LRP1B: variants seen among roughly 807,000 people sequenced by gnomAD.
LRP1B encodes the protein LDL receptor related protein 1B, also known as low-density lipoprotein receptor-related protein 1B.
A neutral mutation model predicts 556.6 loss-of-function variants in LRP1B; 217 were observed. The ratio of observed to expected loss-of-function variants is 0.39; its 90% confidence interval spans 0.35 to 0.44. LRP1B has a LOEUF of 0.44. LRP1B is among the 20% of genes least tolerant of loss of function. The probability of loss-of-function intolerance (pLI) is 1.00; values close to 1 mark genes in which losing one functional copy is unlikely to be tolerated. For synonymous variants in LRP1B, 2,047 were observed against 1,865.8 expected (o/e 1.10, Z -2.50); for missense variants, 5,053 against 5,620.8 (o/e 0.90, Z 3.23).
intron 2 of LRP1B, among the ~76,000 whole-genome samples, chr2:141,505,264 A>T (rs1574023016): frequency 6.6e-6 from 1 of 151,944 alleles, no homozygotes; most frequent in Non-Finnish European, 1.5e-5. Context: ...CCATTTCTTC[A>T]TATATTCAGA....
chr2:141,769,748 T>C (rs940511750), intron 2 of LRP1B, among the ~76,000 whole-genome samples: 1 of 152,226 alleles, frequency 6.6e-6, no homozygotes, highest in Admixed American at 6.5e-5. Context: ...ACCTTTCCAT[T>C]GGAACTGCAT....
At chr2:140,836,214 T>C (rs1006476777) in intron 31 of LRP1B, among the ~76,000 whole-genome samples, 1 of 152,194 alleles carries the variant, frequency 6.6e-6, no homozygotes, top group African/African-American at 2.4e-5. Context: ...AGATATTGCA[T>C]ATGGGCCTTT....
chr2:140,279,363 C>G (rs979655358), intron 84 of LRP1B, among the ~76,000 whole-genome samples: 4 of 151,922 alleles, frequency 2.6e-5, no homozygotes, highest in African/African-American at 9.7e-5. Context: ...TATTTCTAAA[C>G]TGGGTGATTC....
intron 7 of LRP1B, among the ~76,000 whole-genome samples, chr2:141,112,906 A>T (rs1030374211): frequency 2.0e-5 from 3 of 152,204 alleles, no homozygotes; most frequent in Non-Finnish European, 2.9e-5. Context: ...ATATTTTTTT[A>T]AAAAAGTTCA....
chr2:140,685,137 G>A (rs1371942136), intron 41 of LRP1B, among the ~76,000 whole-genome samples: 1 of 152,150 alleles, frequency 6.6e-6, no homozygotes. Context: ...TAAGGAGAGG[G>A]ACCCTCTACT....
intron 7 of LRP1B, among the ~76,000 whole-genome samples, chr2:141,140,813 C>T (rs1020321174): frequency 3.9e-5 from 6 of 151,998 alleles, no homozygotes; most frequent in South Asian, 2.1e-4. Context: ...GCGAAAAAAC[C>T]GCTAATCTGA....
intron 2 of LRP1B, among the ~76,000 whole-genome samples, chr2:141,636,341 G>A (rs571122450): frequency 1.3e-5 from 2 of 152,114 alleles, no homozygotes; most frequent in South Asian, 2.1e-4. Flanking sequence ...AATTCTTAAC[G>A]TAATAAATTA....
intron 83 of LRP1B, among the ~76,000 whole-genome samples, chr2:140,300,086 G>C (rs992841443): frequency 6.6e-6 from 1 of 152,062 alleles, no homozygotes; most frequent in Non-Finnish European, 1.5e-5. Flanking sequence ...TCATGGTTTT[G>C]TCTCATTTAC....
At chr2:142,115,531 A>AT (rs1707173821) in intron 1 of LRP1B, among the ~76,000 whole-genome samples, 2 of 50,738 alleles carry the variant, frequency 3.9e-5, no homozygotes, top group Non-Finnish European at 8.2e-5. Flanking sequence ...TATAATATAT[A>AT]TATTACATAT....
Position 140,444,529 on chromosome 2 carries a change from CTT to C in LRP1B, c.10174+32_10174+33del, listed in dbSNP as rs374167225. 7.1e-5 allele frequency: 115 copies of C among 1,611,446 alleles called. No homozygotes were observed. In the African/African-American group the frequency reaches 1.4e-3, roughly 20 times the overall value. On this transcript the variant is annotated intron_variant, in intron 64 of 90. Transcript: ENST00000389484. Reference sequence around the variant, plus strand: ...CAGACATAATCAGTTGAAAATTAGACTTATGTTCATTAGTTAGGAATTTAATC... The same window carrying C: ...CAGACATAATCAGTTGAAAATTAGACATGTTCATTAGTTAGGAATTTAATC...
chr2:141,378,620 A>G (rs975993259), intron 3 of LRP1B, among the ~76,000 whole-genome samples: 17 of 152,146 alleles, frequency 1.1e-4, no homozygotes, highest in African/African-American at 4.1e-4. Context: ...GAGCTAAGAT[A>G]ATGCCACTAC....
intron 7 of LRP1B, among the ~76,000 whole-genome samples, chr2:141,064,024 T>G (rs759426805): frequency 6.6e-6 from 1 of 151,850 alleles, no homozygotes; most frequent in Non-Finnish European, 1.5e-5. Context: ...AAAGTCATCC[T>G]CAGATGACTT....
chr2:141,208,087 C>T (rs1682363755), intron 6 of LRP1B: 1 of 152,218 alleles, frequency 6.6e-6, no homozygotes, highest in Non-Finnish European at 1.5e-5. Flanking sequence ...AATATATCAG[C>T]TACCAGCAGT....
chr2:141,276,105 G>A (rs923255416), intron 3 of LRP1B, among the ~76,000 whole-genome samples: 11 of 152,042 alleles, frequency 7.2e-5, no homozygotes, highest in Non-Finnish European at 1.5e-4. Flanking sequence ...TTTTGGTGAA[G>A]GCTATCTTAG....
intron 75 of LRP1B, among the ~76,000 whole-genome samples, chr2:140,353,293 C>T (rs1682057736): frequency 6.6e-6 from 1 of 152,048 alleles, no homozygotes; most frequent in Admixed American, 6.6e-5. Flanking sequence ...TTTTATTAAT[C>T]CACTTAAAAT....
At chr2:141,688,927 T>G (rs1691412726) in intron 2 of LRP1B, among the ~76,000 whole-genome samples, 1 of 151,864 alleles carries the variant, frequency 6.6e-6, no homozygotes, top group South Asian at 2.1e-4. Flanking sequence ...TCATATGCAG[T>G]TCAAGATCAT....
intron 3 of LRP1B, among the ~76,000 whole-genome samples, chr2:141,468,225 C>T (rs1055413330): frequency 1.6e-4 from 24 of 152,082 alleles, no homozygotes; most frequent in African/African-American, 5.8e-4. Flanking sequence ...GGAATACAAC[C>T]CTGACTTACT....
chr2:141,191,017 A>G (rs1186378573), intron 6 of LRP1B, among the ~76,000 whole-genome samples: 3 of 151,970 alleles, frequency 2.0e-5, no homozygotes, highest in Non-Finnish European at 4.4e-5. Flanking sequence ...AGAGGAAAGA[A>G]ACATCCTTAT....
intron 4 of LRP1B, 98 bp from the exon 5 acceptor site, chr2:141,247,452 T>C: frequency 7.0e-7 from 1 of 1,431,642 alleles, no homozygotes; most frequent in Non-Finnish European, 9.5e-7. Context: ...GGAAATAGAC[T>C]ATTAAGGAAA....
Sources: gnomAD v4.1 joint callset for allele counts (sites outside exome capture counted in the v4.1 genomes callset) on GRCh38, gnomAD v4.1.1 for gene constraint, MANE v1.5 for transcripts, NCBI Gene and HGNC (gene_info 2026-07-23, HGNC 2026-07-21) for gene names.